The following POTEF variants were observed in gnomAD, a reference collection of about 807,000 sequenced individuals.
POTEF encodes POTE ankyrin domain family member F.
Under a neutral mutation model 83.2 loss-of-function variants are expected in POTEF, and 20 were observed. The ratio of observed to expected loss-of-function variants is 0.24; its 90% confidence interval spans 0.17 to 0.35. POTEF has a LOEUF of 0.35. Among genes scored for constraint, POTEF ranks in the 10% least tolerant of loss-of-function variants. The pLI is 1.00. For missense variants in POTEF, 550 were observed against 1,203.2 expected (o/e 0.46, Z 8.03); for synonymous variants, 196 against 446.4 (o/e 0.44, Z 7.07).
rs200400553 is a variant in POTEF at position 130,120,275 on chromosome 2, C to T, written c.241G>A (p.Gly81Ser). 4,745 of 1,607,718 alleles carry T rather than the reference C, an allele frequency of 3.0e-3. 88 individuals carry two copies. The African/African-American group carries it at 0.059, about 20-fold the overall frequency. ...GAGTCGTCGTGGTCTCCAGAAGCGC[C>T]CACGTTGCTCTTGCCACTCCCCCTG... ...CCRGSGKSNV[G>S]ASGDHDDSAM... is the part of the protein sequence containing the mutation. Residue 81 changes from glycine (G) to serine (S), a missense_variant, in exon 3 of 17, where the codon GGC (glycine) becomes AGC (serine). Coordinates refer to ENST00000409914, the MANE Select transcript of POTEF (RefSeq NM_001099771.2).
intron 5 of POTEF, among the ~76,000 whole-genome samples, chr2:130,112,753 G>T (rs3100065): frequency 6.8e-6 from 1 of 147,008 alleles, no homozygotes; most frequent in Non-Finnish European, 1.5e-5. Context: ...AAACTGCCAT[G>T]CTGATTATGC....
rs575321257 is a variant in POTEF at position 130,100,833 on chromosome 2, T to C, written c.1198-113A>G. 3,861 of 913,942 alleles carry C rather than the reference T, an allele frequency of 4.2e-3. 15 individuals carry two copies. The highest frequency in any genetic ancestry group is 4.2e-3 in the Non-Finnish European group (2,848 of 671,950). 56.6% of individuals were successfully genotyped at this position (913,942 alleles called of 1,614,324 possible). A position where few individuals can be genotyped will look rare whatever the true frequency, so the allele number is the denominator to read the frequency against. On this transcript the variant is annotated intron_variant, in intron 9 of 16. Coordinates refer to ENST00000409914, the MANE Select transcript of POTEF (RefSeq NM_001099771.2). ...TTCTTAACTAATCAAGTATGGACAA[T>C]GAAAAATTAGAAAATAATTAAAATT...
Position 130,075,427 on chromosome 2 carries a change from C to T in POTEF, c.2045G>A (p.Ser682Asn). The change falls in exon 17 of 17, where the codon AGT (serine) becomes AAT (asparagine). Residue 682 changes from serine to asparagine, a missense_variant. By Grantham distance (46) the Ser-to-Asn change is conservative. Transcript: ENST00000409914. ...REKKYLEDIE[S>N]VKKRNDNLLK... ...AAGATTATCATTCCTTTTTTTCACA[C>T]TTTCAATATCCTCCAAATATTTCTT... The T allele has an allele frequency of 6.2e-7, 1 of 1,611,516 alleles. No individual in the cohort carries two copies. The highest frequency in any genetic ancestry group is 8.5e-7 in the Non-Finnish European group (1 of 1,179,670).
At chr2:130,115,942 C>A (rs533843997) in intron 3 of POTEF, among the ~76,000 whole-genome samples, 2 of 151,922 alleles carry the variant, frequency 1.3e-5, no homozygotes, top group Admixed American at 1.3e-4. Flanking sequence ...CTATAATTGG[C>A]GGCATTTAAA....
chr2:130,105,612 A>AC (rs1410276872), intron 8 of POTEF, among the ~76,000 whole-genome samples: 1 of 149,830 alleles, frequency 6.7e-6, no homozygotes, highest in Non-Finnish European at 1.5e-5. Flanking sequence ...CTTTCACACT[A>AC]CAACAGCAGA....
intron 7 of POTEF, among the ~76,000 whole-genome samples, chr2:130,108,363 T>A (rs1354208880): frequency 6.6e-6 from 1 of 151,986 alleles, no homozygotes; most frequent in African/African-American, 2.4e-5. Context: ...TCTGCATAAG[T>A]CCTAGCTCCA....
At chr2:130,113,713 T>C (rs542066271) in intron 5 of POTEF, among the ~76,000 whole-genome samples, 2 of 150,252 alleles carry the variant, frequency 1.3e-5, no homozygotes, top group South Asian at 4.3e-4. Context: ...TTAGACTTAC[T>C]GTATCAAAAT....
chr2:130,121,136 C>T (rs1416345961), intron 2 of POTEF, among the ~76,000 whole-genome samples: 1 of 151,506 alleles, frequency 6.6e-6, no homozygotes, highest in Non-Finnish European at 1.5e-5. Flanking sequence ...TGCGCGTGCG[C>T]GTGCGGCGTG....
chr2:130,128,875 C>A (rs1431320102), intron 1 of POTEF, among the ~76,000 whole-genome samples, 197 bp downstream of exon 1: 2 of 126,196 alleles, frequency 1.6e-5, no homozygotes, highest in African/African-American at 3.4e-5. Context: ...GCCTCCCCCC[C>A]ATCACCCCCG....
rs1390726395 is a variant in POTEF, at chr2:130,105,623, C to CA, written c.1126+2385dup. 2.3e-3 allele frequency among the ~76,000 whole-genome samples: 352 copies of CA among 150,020 alleles called. 9 individuals are homozygous for CA. The highest frequency in any genetic ancestry group is 8.5e-3 in the African/African-American group (342 of 40,178). On this transcript the variant is annotated intron_variant, in intron 8 of 16. Transcript: ENST00000409914. ...GTGGCTTTCACACTACAACAGCAGA[C>CA]AACAGCAGGGTTAAGTAGATATGAC...
At chr2:130,105,411 A>G (rs1333364691) in intron 8 of POTEF, among the ~76,000 whole-genome samples, 1 of 151,680 alleles carries the variant, frequency 6.6e-6, no homozygotes, top group Non-Finnish European at 1.5e-5. Context: ...CCAAGGATGT[A>G]TGACAAGGAA....
At chr2:130,125,832 G>C (rs1353356672) in intron 2 of POTEF, among the ~76,000 whole-genome samples, 1 of 151,172 alleles carries the variant, frequency 6.6e-6, no homozygotes, top group Non-Finnish European at 1.5e-5. Context: ...CTTTCACCCA[G>C]GAGGCAGGGG....
chr2:130,128,939 GC>G (rs1685170882), intron 1 of POTEF, 132 bp downstream of exon 1: 1 of 87,672 alleles, frequency 1.1e-5, no homozygotes, highest in Non-Finnish European at 2.2e-5. Context: ...CCCCTCCACC[GC>G]CAGCAATGCA....
chr2:130,104,942 T>C (rs982303502), intron 8 of POTEF, among the ~76,000 whole-genome samples: 8 of 151,172 alleles, frequency 5.3e-5, no homozygotes, highest in Non-Finnish European at 1.2e-4. Flanking sequence ...TACATGAATT[T>C]TCCATTAAAC....
chr2:130,121,255 CA>C (rs1299009994), intron 2 of POTEF, among the ~76,000 whole-genome samples: 1 of 148,230 alleles, frequency 6.7e-6, no homozygotes, highest in Non-Finnish European at 1.5e-5. Flanking sequence ...TGAGTTCCGG[CA>C]AACTTCGTGG....
At chr2:130,101,671 A>C (rs1233251037) in intron 9 of POTEF, among the ~76,000 whole-genome samples, 1 of 145,172 alleles carries the variant, frequency 6.9e-6, no homozygotes, top group Non-Finnish European at 1.5e-5. Context: ...TCAGAGTTAC[A>C]TTGTTCATAA....
chr2:130,121,052 G>A (rs1296066113), intron 2 of POTEF, among the ~76,000 whole-genome samples: 1 of 151,112 alleles, frequency 6.6e-6, no homozygotes, highest in East Asian at 2.0e-4. Flanking sequence ...CGGCCAAACC[G>A]TTATGCGCGT....
At chr2:130,105,680 TG>T (rs1684505763) in intron 8 of POTEF, among the ~76,000 whole-genome samples, 1 of 148,344 alleles carries the variant, frequency 6.7e-6, no homozygotes, top group Non-Finnish European at 1.5e-5. Flanking sequence ...ATTGCCCACC[TG>T]GCCATTTACA....
intron 8 of POTEF, among the ~76,000 whole-genome samples, chr2:130,105,382 G>GT (rs1279898016): frequency 1.3e-5 from 2 of 151,522 alleles, no homozygotes; most frequent in East Asian, 3.9e-4. Context: ...TGAAAACCTT[G>GT]TAATACATTG....
Sources: allele counts gnomAD v4.1 joint callset (sites outside exome capture counted in the v4.1 genomes callset), GRCh38; gene constraint gnomAD v4.1.1; transcripts MANE v1.5; gene names NCBI Gene and HGNC (gene_info 2026-07-23, HGNC 2026-07-21).